GRIP2: variants seen among roughly 807,000 people sequenced by gnomAD.
GRIP2 encodes the protein glutamate receptor interacting protein 2.
A neutral mutation model predicts 108.3 loss-of-function variants in GRIP2; 58 were observed. That is an observed-to-expected ratio of 0.54 (90% CI 0.43 to 0.67). The LOEUF (loss-of-function observed/expected upper bound fraction) is 0.67. GRIP2 is among the 30% of genes least tolerant of loss of function. GRIP2 has a pLI of 0.00. For missense variants in GRIP2, 1,278 were observed against 1,430.6 expected (o/e 0.89, Z 1.72); for synonymous variants, 586 against 598.2 (o/e 0.98, Z 0.30).
chr3:14,566,602 C>T, the GRIP2 span, among the ~76,000 whole-genome samples: 1 of 152,218 alleles, frequency 6.6e-6, no homozygotes, highest in Admixed American at 6.5e-5. Context: ...CGATCAACAT[C>T]ATTGGACCTC....
chr3:14,501,530 T>C (rs1008606473), intron 21 of GRIP2, among the ~76,000 whole-genome samples: 1 of 152,102 alleles, frequency 6.6e-6, no homozygotes, highest in Non-Finnish European at 1.5e-5. Flanking sequence ...CTGAATATGG[T>C]CTTGGTATTA....
rs748571727 is a variant in GRIP2, at chr3:14,517,795, G to C, written c.1133C>G (p.Pro378Arg). 1 of 1,609,356 alleles carries C rather than the reference G, an allele frequency of 6.2e-7. No individual in the cohort carries two copies. Among genetic ancestry groups the C allele is most frequent in the Non-Finnish European group, 8.5e-7 (1 of 1,178,346 alleles). The change falls in exon 10 of 24, where the codon CCT becomes CGT. Residue 378 changes from proline (P) to arginine (R), a missense_variant. Physicochemically the swap from Pro to Arg is moderately radical, Grantham distance 103. Transcript: ENST00000621039. ...ACATCGGCTTTGGTCCTGGCCAGCA[G>C]GTGTGGCCCAGGTGGGCATCCTGCA... The part of the protein sequence containing the change: ...GHCRMPTWAT[P>R]AGQDQSRSLS...
At chr3:14,539,225 G>T (rs1050208187) in intron 1 of GRIP2, among the ~76,000 whole-genome samples, 2 of 152,234 alleles carry the variant, frequency 1.3e-5, no homozygotes, top group African/African-American at 4.8e-5. Flanking sequence ...AGGATTAAAT[G>T]AGAAAATGCA....
the GRIP2 span, among the ~76,000 whole-genome samples, chr3:14,588,499 C>T: frequency 2.0e-5 from 3 of 152,102 alleles, no homozygotes; most frequent in African/African-American, 7.2e-5. Flanking sequence ...AGGTGGGTGG[C>T]CTCTCCTGGG....
At chr3:14,549,456 T>C (rs1035917252) in intron 1 of GRIP2, among the ~76,000 whole-genome samples, 16 of 152,176 alleles carry the variant, frequency 1.1e-4, no homozygotes, top group African/African-American at 3.9e-4. Context: ...TGGATGCGGC[T>C]TCAGTGGAGA....
rs189807931 is a variant in GRIP2, at chr3:14,504,251, C to T, written c.2574-580G>A. Among the ~76,000 whole-genome samples, 27 of 151,862 alleles carry T rather than the reference C, an allele frequency of 1.8e-4. No homozygotes were observed. The East Asian group carries it at 5.2e-3, about 29-fold the overall frequency. On this transcript the variant is annotated intron_variant, in intron 20 of 23. Coordinates refer to ENST00000621039, the MANE Select transcript of GRIP2 (RefSeq NM_001080423.4). ...TTTTGACACTTCGCAAAGCCACTTG[C>T]TAATTACAAAGGCCTCAACGGTTAC... is the stretch of plus-strand genomic sequence containing the variant.
intron 9 of GRIP2, among the ~76,000 whole-genome samples, chr3:14,519,073 G>A (rs1027829146): frequency 2.0e-5 from 3 of 152,216 alleles, no homozygotes; most frequent in African/African-American, 7.2e-5. Context: ...GTAATGAGGC[G>A]TGCAGGCCGC....
the GRIP2 span, among the ~76,000 whole-genome samples, chr3:14,568,516 A>C: frequency 2.6e-5 from 4 of 152,168 alleles, no homozygotes; most frequent in South Asian, 8.3e-4. Flanking sequence ...AACCCAGGCC[A>C]TCTGGTTCCG....
chr3:14,501,790 C>G (rs368169568), intron 21 of GRIP2, among the ~76,000 whole-genome samples: 31 of 152,224 alleles, frequency 2.0e-4, no homozygotes, highest in African/African-American at 6.0e-4. Context: ...GCACCATACA[C>G]ACATATCACT....
the GRIP2 span, among the ~76,000 whole-genome samples, chr3:14,594,844 T>A: frequency 2.0e-5 from 3 of 152,324 alleles, no homozygotes; most frequent in South Asian, 6.2e-4. Flanking sequence ...AAAATTAAAA[T>A]AGTTAACATA....
At chr3:14,503,875 T>G in intron 20 of GRIP2, 1 of 583,824 alleles carries the variant, frequency 1.7e-6, no homozygotes, top group Non-Finnish European at 3.1e-6. Flanking sequence ...AAAGACGCAG[T>G]TAGGGGCGAC....
chr3:14,591,323 T>C, the GRIP2 span, among the ~76,000 whole-genome samples: 2 of 152,166 alleles, frequency 1.3e-5, no homozygotes, highest in East Asian at 3.9e-4. Flanking sequence ...AGCACCATAC[T>C]TCCAGGAGAA....
In GRIP2 at chr3:14,506,897, G is replaced by A; in HGVS notation, c.2302C>T (p.Leu768=). ...EDPADALKGG[L]PAARFSPAVP... ...GCCGGCGAGAAGCGGGCTGCTGGCA[G>A]GCCTCCTTTCAGGGCATCTGCTGGG... The change falls in exon 19 of 24, where the codon CTG becomes TTG. Residue 768 remains leucine, a synonymous_variant. Coordinates refer to ENST00000621039, the MANE Select transcript of GRIP2 (RefSeq NM_001080423.4). 1 of 1,606,822 alleles carries A rather than the reference G, an allele frequency of 6.2e-7. No homozygotes were observed. The highest frequency in any genetic ancestry group is 8.5e-7 in the Non-Finnish European group (1 of 1,176,838).
At chr3:14,515,888 C>T (rs1048370515) in intron 11 of GRIP2, among the ~76,000 whole-genome samples, 59 of 152,114 alleles carry the variant, frequency 3.9e-4, no homozygotes, top group Non-Finnish European at 4.9e-4. Context: ...ACCTCGGCCT[C>T]CCAAAGTGTG....
chr3:14,573,358 C>T, the GRIP2 span: 1 of 1,337,214 alleles, frequency 7.5e-7, no homozygotes, highest in Non-Finnish European at 1.1e-6. Context: ...TGCCACCCTG[C>T]CAGCTTCTCC....
chr3:14,528,583 C>T (rs1694624256), intron 1 of GRIP2, among the ~76,000 whole-genome samples: 1 of 152,142 alleles, frequency 6.6e-6, no homozygotes, highest in African/African-American at 2.4e-5. Flanking sequence ...AAGCTGGGCA[C>T]ACTGGCTTAT....
intron 1 of GRIP2, among the ~76,000 whole-genome samples, chr3:14,534,422 G>A (rs1476026538): frequency 2.0e-5 from 3 of 152,076 alleles, no homozygotes; most frequent in African/African-American, 7.2e-5. Context: ...TTTTGTTCCA[G>A]GACCTGGTAA....
chr3:14,512,747 AG>A lies in GRIP2; in HGVS notation c.1720+29del, dbSNP rs1694133203. 6 of 1,602,250 alleles carry A rather than the reference AG, an allele frequency of 3.7e-6. No individual in the cohort carries two copies. The African/African-American group carries it at 4.0e-5, about 11-fold the overall frequency. On this transcript the variant is annotated intron_variant, in intron 14 of 23. Coordinates refer to ENST00000621039, the MANE Select transcript of GRIP2 (RefSeq NM_001080423.4). The surrounding 1 kb of genome is among the most constrained non-coding windows in gnomAD (Gnocchi z 5.1). Reference sequence around the variant, plus strand: ...TTCCCCAGCAGTTGAGCTCGCTCCCAGGGGCAAACAGCAGCGGGAGGAGACT... The same window carrying A: ...TTCCCCAGCAGTTGAGCTCGCTCCCAGGGCAAACAGCAGCGGGAGGAGACT...
At chr3:14,495,989 A>G (rs1226652683) in intron 22 of GRIP2, among the ~76,000 whole-genome samples, 1 of 152,094 alleles carries the variant, frequency 6.6e-6, no homozygotes, top group Non-Finnish European at 1.5e-5. Flanking sequence ...CTAAAAAAAT[A>G]CAAAAATTAG....
Sources: gnomAD v4.1 joint callset for allele counts (sites outside exome capture counted in the v4.1 genomes callset) on GRCh38, gnomAD v4.1.1 for gene constraint, Gnocchi (gnomAD v3.1) non-coding constraint, MANE v1.5 for transcripts, NCBI Gene and HGNC (gene_info 2026-07-23, HGNC 2026-07-21) for gene names.